DNM3: variants seen among roughly 807,000 people sequenced by gnomAD.
DNM3 encodes the protein dynamin 3, also known as dynamin-3.
A neutral mutation model predicts 101.6 loss-of-function variants in DNM3; 47 were observed. That is an observed-to-expected ratio of 0.46 (90% CI 0.37 to 0.59). DNM3 has a LOEUF of 0.59. DNM3 is among the 20% of genes least tolerant of loss of function. DNM3 has a pLI of 0.00. For synonymous variants in DNM3, 385 were observed against 387.9 expected (o/e 0.99, Z 0.09); for missense variants, 849 against 1,085.7 (o/e 0.78, Z 3.06).
At chr1:172,040,184 A>G (rs1233511538) in intron 7 of DNM3, among the ~76,000 whole-genome samples, 3 of 152,084 alleles carry the variant, frequency 2.0e-5, no homozygotes, top group Non-Finnish European at 4.4e-5. Context: ...CTAGAAGTAC[A>G]CTTTCTGAAA....
chr1:171,932,137 T>A (rs951495329), intron 2 of DNM3, among the ~76,000 whole-genome samples: 1 of 145,818 alleles, frequency 6.9e-6, no homozygotes, highest in South Asian at 2.3e-4. Flanking sequence ...TTTCTCTCTT[T>A]CTTTCCTTCT....
chr1:171,976,417 T>C (rs951338502), intron 2 of DNM3, among the ~76,000 whole-genome samples: 6 of 152,238 alleles, frequency 3.9e-5, no homozygotes, highest in Admixed American at 2.0e-4. Flanking sequence ...TCACATCTTA[T>C]ATGGCGGCAG....
At chr1:172,261,362 CTGTA>C (rs2062639562) in intron 15 of DNM3, among the ~76,000 whole-genome samples, 1 of 152,000 alleles carries the variant, frequency 6.6e-6, no homozygotes, top group African/African-American at 2.4e-5. Context: ...GGTGTAGTCT[CTGTA>C]TGACTTCTTC....
At position 172,202,557 on chromosome 1, in the gene DNM3, A is replaced by C. The variant is rs542101146; in HGVS notation, c.1660-51016A>C. On this transcript the variant is annotated intron_variant, in intron 14 of 20. Coordinates refer to ENST00000627582, the MANE Select transcript of DNM3 (RefSeq NM_015569.5). ...CTTTATATATGTATTTCTTTTACTA[A>C]ATTGTGGGGTTCTTGAAGGTACAAA... Among the ~76,000 whole-genome samples the C allele has an allele frequency of 1.8e-4, 28 of 152,208 alleles. No homozygotes were observed. The South Asian group carries it at 5.8e-3, about 32-fold the overall frequency.
intron 14 of DNM3, among the ~76,000 whole-genome samples, chr1:172,145,300 TTCTGTCTGTCTG>T (rs1553394385): frequency 2.7e-5 from 4 of 150,784 alleles, no homozygotes; most frequent in East Asian, 2.0e-4. Flanking sequence ...GCAGATAAGT[TTCTGTCTGTCTG>T]TCTGTCTGTC....
chr1:172,030,040 G>T (rs899943129), intron 4 of DNM3, among the ~76,000 whole-genome samples: 1 of 152,068 alleles, frequency 6.6e-6, no homozygotes. Context: ...TTTCTTCAAA[G>T]AATTAGAAAA....
chr1:172,389,909 T>C (rs2069426280), intron 20 of DNM3, among the ~76,000 whole-genome samples: 1 of 152,202 alleles, frequency 6.6e-6, no homozygotes, highest in South Asian at 2.1e-4. Context: ...AGATTTGCAG[T>C]CAGAAGACCT....
chr1:172,063,086 C>T (rs1376821545), intron 10 of DNM3, among the ~76,000 whole-genome samples: 2 of 152,172 alleles, frequency 1.3e-5, no homozygotes, highest in Non-Finnish European at 2.9e-5. Context: ...ATAGCTTTTT[C>T]ATAAAAGCCC....
At chr1:172,346,417 C>G (rs2066943836) in intron 17 of DNM3, among the ~76,000 whole-genome samples, 1 of 152,052 alleles carries the variant, frequency 6.6e-6, no homozygotes, top group African/African-American at 2.4e-5. Context: ...GCCTTGTATG[C>G]CAAGGGCTGG....
intron 4 of DNM3, among the ~76,000 whole-genome samples, chr1:172,022,060 A>T (rs2047886433): frequency 6.6e-6 from 1 of 152,190 alleles, no homozygotes; most frequent in Non-Finnish European, 1.5e-5. Context: ...TTTAGCTAAG[A>T]CTTAGGAGGC....
At chr1:172,275,405 A>G (rs2063243944) in intron 15 of DNM3, among the ~76,000 whole-genome samples, 1 of 152,010 alleles carries the variant, frequency 6.6e-6, no homozygotes, top group Non-Finnish European at 1.5e-5. Context: ...AATCTGGAAA[A>G]TATTTGGATT....
At chr1:172,397,471 CCT>C (rs1267984066) in intron 20 of DNM3, among the ~76,000 whole-genome samples, 1 of 152,072 alleles carries the variant, frequency 6.6e-6, no homozygotes, top group Admixed American at 6.5e-5. Context: ...CAGAAAAACC[CCT>C]GTGACTCATC....
intron 20 of DNM3, among the ~76,000 whole-genome samples, chr1:172,417,846 CT>C (rs1488613855): frequency 2.0e-5 from 3 of 152,240 alleles, no homozygotes; most frequent in African/African-American, 7.2e-5. Context: ...CCCTCTCCCC[CT>C]ATGGAGATTT....
chr1:172,329,343 A>C (rs1256458613), intron 17 of DNM3, among the ~76,000 whole-genome samples: 1 of 152,208 alleles, frequency 6.6e-6, no homozygotes, highest in Admixed American at 6.5e-5. Flanking sequence ...ATCTATTTAC[A>C]AGTGAAAAAA....
At chr1:172,338,875 C>T (rs2066563502) in intron 17 of DNM3, 1 of 458,322 alleles carries the variant, frequency 2.2e-6, no homozygotes, top group Admixed American at 2.4e-5. Context: ...TGCATCTGAA[C>T]TTGACACACG....
intron 13 of DNM3, among the ~76,000 whole-genome samples, chr1:172,102,944 C>T (rs954760209): frequency 3.9e-5 from 6 of 152,118 alleles, no homozygotes; most frequent in Middle Eastern, 3.2e-3. Flanking sequence ...CACTGTATAG[C>T]TTATTTAGCA....
intron 15 of DNM3, chr1:172,289,464 C>G (rs1161579874): frequency 2.7e-6 from 1 of 365,536 alleles, no homozygotes. Context: ...CGTCTCATTT[C>G]TAATTTTGTT....
rs969717234 is a variant in DNM3 at position 171,876,003 on chromosome 1, G to A, written c.161+34186G>A. On this transcript the variant is annotated intron_variant, in intron 1 of 20. Coordinates refer to ENST00000627582, the MANE Select transcript of DNM3 (RefSeq NM_015569.5). ...TTTTTGTATTTTTAGTAGAGACGGAGTTTTACCATGTTGTCCAGGATGGTC... is the reference window on the plus strand; with the variant it reads ...TTTTTGTATTTTTAGTAGAGACGGAATTTTACCATGTTGTCCAGGATGGTC... 2.6e-5 allele frequency among the ~76,000 whole-genome samples: 4 copies of A among 151,966 alleles called. No individual in the cohort carries two copies. In the East Asian group the frequency reaches 7.8e-4, roughly 29 times the overall value.
chr1:172,415,804 A>G (rs1390187435), downstream of DNM3, among the ~76,000 whole-genome samples: 1 of 152,142 alleles, frequency 6.6e-6, no homozygotes, highest in Non-Finnish European at 1.5e-5. Flanking sequence ...TGCTGGGATT[A>G]CAGGCATGAG....
Sources: allele counts gnomAD v4.1 joint callset (sites outside exome capture counted in the v4.1 genomes callset), GRCh38; gene constraint gnomAD v4.1.1; transcripts MANE v1.5; gene names NCBI Gene and HGNC (gene_info 2026-07-23, HGNC 2026-07-21).